LYSMD4: variants seen among roughly 807,000 people sequenced by gnomAD.
LYSMD4 encodes LysM domain containing 4.
Under a neutral mutation model 6.1 loss-of-function variants are expected in LYSMD4, and 9 were observed. The observed-to-expected ratio is 1.47, with a 90% CI of 0.88 to 2.56. LYSMD4 has a LOEUF of 2.56. LYSMD4 is among the 30% of genes most tolerant of loss of function. LYSMD4 has a pLI of 0.00. For missense variants in LYSMD4, 384 were observed against 373.5 expected (o/e 1.03, Z -0.23); for synonymous variants, 143 against 148.5 (o/e 0.96, Z 0.27).
In LYSMD4 at chr15:99,731,324, A is replaced by T. The variant is rs898950252; in HGVS notation, c.282+394T>A. On this transcript the variant is annotated intron_variant, in intron 2 of 2. Coordinates refer to ENST00000684762, the MANE Select transcript of LYSMD4 (RefSeq NM_001284417.2). Reference sequence around the variant, plus strand: ...AGTAAGCTACCACCAAGAAAGGTTCAGAAAAATAAGAGCAGCGAGAAAAGC... The same window carrying T: ...AGTAAGCTACCACCAAGAAAGGTTCTGAAAAATAAGAGCAGCGAGAAAAGC... The T allele has an allele frequency of 1.9e-6, 3 of 1,605,976 alleles. No homozygotes were observed. The African/African-American group carries it at 4.1e-5, about 22-fold the overall frequency.
At chr15:99,722,377 G>A (rs2059243874), upstream of LYSMD4, among the ~76,000 whole-genome samples, 1 of 152,188 alleles carries the variant, frequency 6.6e-6, no homozygotes, top group Non-Finnish European at 1.5e-5. Context: ...CATAGCAGAA[G>A]AGTGAGCCTC....
At chr15:99,724,876 A>T (rs1369935606), downstream of LYSMD4, among the ~76,000 whole-genome samples, 1 of 152,204 alleles carries the variant, frequency 6.6e-6, no homozygotes, top group Non-Finnish European at 1.5e-5. Context: ...TTGGAGCTGC[A>T]CTTCATCACC....
upstream of LYSMD4, among the ~76,000 whole-genome samples, chr15:99,718,864 C>T (rs1378906376): frequency 2.0e-5 from 3 of 152,018 alleles, no homozygotes; most frequent in South Asian, 2.1e-4. Flanking sequence ...TCACCTCTTT[C>T]GGACTCTTTC....
At chr15:99,719,688 A>G (rs1023300606), upstream of LYSMD4, among the ~76,000 whole-genome samples, 1 of 152,162 alleles carries the variant, frequency 6.6e-6, no homozygotes, top group Non-Finnish European at 1.5e-5. Flanking sequence ...ACACATGCGT[A>G]TATTTGTATT....
At chr15:99,731,473 AAGG>A (rs768522814) in intron 2 of LYSMD4, 20 of 1,598,332 alleles carry the variant, frequency 1.3e-5, no homozygotes, top group South Asian at 1.0e-4. Flanking sequence ...AAAACAGGAA[AAGG>A]AGAAGTTCCC....
At chr15:99,716,470 C>G (rs113470119) in exon 1 of LYSMD4, 3 of 456,720 alleles carry the variant, frequency 6.6e-6, no homozygotes, top group Non-Finnish European at 1.3e-5. Context: ...CCAGTAAAGA[C>G]GGACTGGCTC....
At chr15:99,727,224 A>G (rs575524735), downstream of LYSMD4, among the ~76,000 whole-genome samples, 2 of 152,144 alleles carry the variant, frequency 1.3e-5, no homozygotes, top group South Asian at 4.1e-4. Context: ...AAAATGCAAA[A>G]ATCAGCCAGG....
intron 1 of LYSMD4, among the ~76,000 whole-genome samples, chr15:99,732,746 A>G (rs960610129): frequency 6.6e-6 from 1 of 152,264 alleles, no homozygotes; most frequent in Non-Finnish European, 1.5e-5. Context: ...TGACAACTTC[A>G]GAAAAAGGTG....
rs1459156876 is a variant in LYSMD4 at position 99,731,833 on chromosome 15, T to A, written c.167A>T (p.His56Leu). The A allele has an allele frequency of 6.2e-7, 1 of 1,613,104 alleles. No individual in the cohort carries two copies. The highest frequency in any genetic ancestry group is 8.5e-7 in the Non-Finnish European group (1 of 1,180,038). Residue 56 changes from histidine (H) to leucine (L), a missense_variant, in exon 2 of 3, where the codon CAC becomes CTC. Transcript: ENST00000684762. ...VVLRPRGKER[H>L]KSGVHQPPQA... ...GGGAGGCTGGTGGACACCGCTCTTG[T>A]GGCGCTCCTTGCCCCGGGGCCGCAA... is the stretch of plus-strand genomic sequence containing the variant.
intron 2 of LYSMD4, chr15:99,731,514 C>T (rs1468596450): frequency 6.4e-7 from 1 of 1,570,232 alleles, no homozygotes; most frequent in African/African-American, 1.4e-5. Context: ...GCTAACCCTC[C>T]CTCTTTGGGG....
chr15:99,730,893 T>A (rs1297211781), intron 2 of LYSMD4, among the ~76,000 whole-genome samples: 1 of 152,218 alleles, frequency 6.6e-6, no homozygotes, highest in African/African-American at 2.4e-5. Context: ...AAGCTGCTTA[T>A]CGGAGCCAAA....
chr15:99,717,050 A>G (rs2059192307), exon 1 of LYSMD4: 1 of 171,338 alleles, frequency 5.8e-6, no homozygotes, highest in South Asian at 1.3e-4. Flanking sequence ...TCCCTTTGTC[A>G]TAATTCAGCT....
downstream of LYSMD4, among the ~76,000 whole-genome samples, chr15:99,726,592 C>T (rs2059285098): frequency 6.6e-6 from 1 of 152,042 alleles, no homozygotes; most frequent in Non-Finnish European, 1.5e-5. Context: ...CCTTCCTCAC[C>T]TCTGCTGGGC....
At position 99,729,609 on chromosome 15, in the gene LYSMD4, G is replaced by C. The variant is rs1443063067; in HGVS notation, c.405C>G (p.Pro135=). 5 of 1,614,020 alleles carry C rather than the reference G, an allele frequency of 3.1e-6. No individual in the cohort carries two copies. The highest frequency in any genetic ancestry group is 2.7e-5 in the African/African-American group (2 of 74,924). The change falls in exon 3 of 3, where the codon CCC becomes CCG. Residue 135 remains proline, a synonymous_variant. Transcript: ENST00000684762. ...TGGTCTCGGAAGACGGGCTCAGAAG[G>C]GGTTTCAGTTCTTTGTGGGTCTCCA... is the stretch of plus-strand genomic sequence containing the variant. ...ILMETHKELK[P]LLSPSSETTV...
chr15:99,732,153 ATGTGCT>A, intron 1 of LYSMD4, 146 bp from the exon 2 acceptor site: 1 of 845,858 alleles, frequency 1.2e-6, no homozygotes, highest in Non-Finnish European at 1.8e-6. Flanking sequence ...AAAAAAAAGA[ATGTGCT>A]TATGCTGGCT....
upstream of LYSMD4, among the ~76,000 whole-genome samples, chr15:99,718,913 AC>A (rs2059216442): frequency 5.5e-5 from 1 of 18,074 alleles, no homozygotes; most frequent in African/African-American, 1.2e-4. Context: ...TTATGCGCAC[AC>A]ACACACACAC....
downstream of LYSMD4, among the ~76,000 whole-genome samples, chr15:99,725,812 A>G (rs2059274878): frequency 6.6e-6 from 1 of 152,086 alleles, no homozygotes; most frequent in African/African-American, 2.4e-5. Context: ...GCCCTACCCC[A>G]AGCCCACAGT....
At chr15:99,727,226 T>C (rs1194405349), downstream of LYSMD4, among the ~76,000 whole-genome samples, 3 of 151,882 alleles carry the variant, frequency 2.0e-5, no homozygotes, top group Non-Finnish European at 4.4e-5. Context: ...AATGCAAAAA[T>C]CAGCCAGGCA....
chr15:99,727,332 A>G (rs35077957), downstream of LYSMD4: 142,264 of 152,194 alleles, frequency 0.93, 66,970 homozygotes, highest in Non-Finnish European at 0.99. Context: ...CCCAGATCGC[A>G]CCACTGCACT....
Sources: gnomAD v4.1 joint callset for allele counts (sites outside exome capture counted in the v4.1 genomes callset) on GRCh38, gnomAD v4.1.1 for gene constraint, MANE v1.5 for transcripts, NCBI Gene and HGNC (gene_info 2026-07-23, HGNC 2026-07-21) for gene names.